PDE7B: variants seen among roughly 807,000 people sequenced by gnomAD.
The protein encoded by PDE7B is phosphodiesterase 7B.
PDE7B carries 29 observed loss-of-function variants against 56.2 expected under a neutral mutation model. The ratio of observed to expected loss-of-function variants is 0.52; its 90% CI spans 0.38 to 0.70. PDE7B has a LOEUF of 0.70. PDE7B is among the 30% of genes least tolerant of loss of function. The probability of loss-of-function intolerance (pLI) is 0.00; values close to 1 mark genes in which losing one functional copy is unlikely to be tolerated. For synonymous variants in PDE7B, 197 were observed against 196.9 expected (o/e 1.00, Z 0.00); for missense variants, 490 against 565.0 (o/e 0.87, Z 1.35).
At chr6:135,902,446 T>C (rs1362409530) in intron 1 of PDE7B, among the ~76,000 whole-genome samples, 2 of 151,666 alleles carry the variant, frequency 1.3e-5, no homozygotes, top group South Asian at 2.1e-4. Context: ...ATGTGGAAAA[T>C]AAAGCAAAAT....
chr6:135,906,924 T>C (rs1212992835), intron 1 of PDE7B, among the ~76,000 whole-genome samples: 1 of 150,102 alleles, frequency 6.7e-6, no homozygotes, highest in Admixed American at 6.7e-5. Context: ...ACCTTTCATA[T>C]TATATAGTTG....
Position 135,955,954 on chromosome 6 carries a change from C to A in PDE7B, c.82+8430C>A, listed in dbSNP as rs573208774. Among the ~76,000 whole-genome samples the A allele has an allele frequency of 2.0e-4, 31 of 152,252 alleles. No homozygotes were observed. The South Asian group carries it at 5.6e-3, about 27-fold the overall frequency. On this transcript the variant is annotated intron_variant, in intron 2 of 12. Transcript: ENST00000308191. ...CAGTAAATCTGAGATGCCCAAGGAA[C>A]TTTCCACTGCAGCACAGCTCAGAAG...
At chr6:135,940,201 T>C (rs1774485462) in intron 1 of PDE7B, among the ~76,000 whole-genome samples, 1 of 152,208 alleles carries the variant, frequency 6.6e-6, no homozygotes, top group Non-Finnish European at 1.5e-5. Context: ...CCCAGACAGC[T>C]ACCTATGCCT....
intron 2 of PDE7B, among the ~76,000 whole-genome samples, chr6:135,981,665 C>T (rs1775299373): frequency 6.6e-6 from 1 of 151,278 alleles, no homozygotes; most frequent in Non-Finnish European, 1.5e-5. Flanking sequence ...GGAAGGTCTT[C>T]AGGGGCAATA....
At chr6:136,069,152 T>G (rs1777004010) in intron 2 of PDE7B, among the ~76,000 whole-genome samples, 1 of 152,128 alleles carries the variant, frequency 6.6e-6, no homozygotes, top group South Asian at 2.1e-4. Context: ...TTCAGTTGGT[T>G]GGGGGGCTTA....
chr6:136,169,589 T>C (rs1424788727), intron 8 of PDE7B, among the ~76,000 whole-genome samples: 1 of 152,192 alleles, frequency 6.6e-6, no homozygotes, highest in African/African-American at 2.4e-5. Flanking sequence ...CATTAGATCT[T>C]GTTACAGCTT....
At chr6:135,867,255 T>G (rs1488872167) in intron 1 of PDE7B, among the ~76,000 whole-genome samples, 1 of 152,200 alleles carries the variant, frequency 6.6e-6, no homozygotes, top group African/African-American at 2.4e-5. Context: ...AGATACATAT[T>G]TCTAGTTTTT....
rs116678942 is a variant in PDE7B at position 136,179,415 on chromosome 6, A to C, written c.948+274A>C. Among the ~76,000 whole-genome samples the C allele has an allele frequency of 3.1e-3, 473 of 152,318 alleles. 2 individuals are homozygous for C. Among genetic ancestry groups the C allele is most frequent in the African/African-American group, 0.011 (450 of 41,578 alleles). ...AATAATTTTAGCACATTTGAGAAGG[A>C]GTTATCTCCGATGGTATGAGTTAGA... is the stretch of plus-strand genomic sequence containing the variant. On this transcript the variant is annotated intron_variant, in intron 10 of 12. Transcript: ENST00000308191.
chr6:135,931,713 A>G (rs369622089), intron 1 of PDE7B, among the ~76,000 whole-genome samples: 2 of 152,196 alleles, frequency 1.3e-5, no homozygotes, highest in Non-Finnish European at 2.9e-5. Context: ...TAATTCCACA[A>G]TGATAGCACG....
chr6:136,073,617 G>A (rs1390941585), intron 2 of PDE7B, among the ~76,000 whole-genome samples: 1 of 152,130 alleles, frequency 6.6e-6, no homozygotes, highest in Non-Finnish European at 1.5e-5. Context: ...GCCTACTCCA[G>A]TGGCCTCATC....
chr6:135,914,485 C>CTTTTTTTTTTTTTTTTT (rs759938662), intron 1 of PDE7B, among the ~76,000 whole-genome samples: 3 of 41,914 alleles, frequency 7.2e-5, no homozygotes, highest in African/African-American at 4.3e-4. Context: ...TTTTATAATG[C>CTTTTTTTTTTTTTTTTT]TTTTTTTTTT....
chr6:135,876,902 C>A (rs1562421174), intron 1 of PDE7B, among the ~76,000 whole-genome samples: 1 of 151,980 alleles, frequency 6.6e-6, no homozygotes, highest in Admixed American at 6.6e-5. Context: ...CTAAACCACC[C>A]TTTCATATTT....
chr6:136,070,010 A>T (rs950439620), intron 2 of PDE7B, among the ~76,000 whole-genome samples: 1 of 152,292 alleles, frequency 6.6e-6, no homozygotes, highest in African/African-American at 2.4e-5. Flanking sequence ...ATATCAAAAA[A>T]TTAGAAATTC....
intron 2 of PDE7B, among the ~76,000 whole-genome samples, chr6:136,012,268 TG>T (rs1775907983): frequency 6.6e-6 from 1 of 152,090 alleles, no homozygotes; most frequent in Non-Finnish European, 1.5e-5. Context: ...TTTCTTGAGG[TG>T]TCTCTGCTGG....
At chr6:136,135,532 T>A (rs1034282518) in intron 3 of PDE7B, among the ~76,000 whole-genome samples, 3 of 152,028 alleles carry the variant, frequency 2.0e-5, no homozygotes, top group African/African-American at 7.2e-5. Flanking sequence ...CACTTGATGA[T>A]GTTAAGGGCC....
intron 2 of PDE7B, among the ~76,000 whole-genome samples, chr6:136,013,694 T>C (rs559080549): frequency 3.3e-5 from 5 of 152,318 alleles, no homozygotes; most frequent in African/African-American, 1.2e-4. Context: ...TGAGAAAACC[T>C]GGAGTTGATA....
intron 2 of PDE7B, among the ~76,000 whole-genome samples, chr6:135,979,539 T>C (rs1775256546): frequency 6.6e-6 from 1 of 152,048 alleles, no homozygotes; most frequent in Non-Finnish European, 1.5e-5. Flanking sequence ...CTATTGATTA[T>C]TGCCACAATT....
intron 9 of PDE7B, among the ~76,000 whole-genome samples, chr6:136,178,033 C>A (rs1460296728): frequency 6.6e-6 from 1 of 152,090 alleles, no homozygotes; most frequent in African/African-American, 2.4e-5. Flanking sequence ...TGATACATAC[C>A]ATATAACTTA....
intron 2 of PDE7B, among the ~76,000 whole-genome samples, chr6:136,083,944 G>T (rs1404295257): frequency 1.3e-5 from 2 of 152,040 alleles, no homozygotes; most frequent in South Asian, 2.1e-4. Context: ...AATTTAAATT[G>T]TTTGCCTGTA....
Sources: gnomAD v4.1 joint callset for allele counts (sites outside exome capture counted in the v4.1 genomes callset) on GRCh38, gnomAD v4.1.1 for gene constraint, MANE v1.5 for transcripts, NCBI Gene and HGNC (gene_info 2026-07-23, HGNC 2026-07-21) for gene names.